Variants in CELF2 observed in about 807,000 individuals in gnomAD.
CELF2 encodes CUG triplet repeat RNA-binding protein 2.
A neutral mutation model predicts 62.6 loss-of-function variants in CELF2; 8 were observed. That is an observed-to-expected ratio of 0.13 (90% confidence interval 0.07 to 0.23). The LOEUF (loss-of-function observed/expected upper bound fraction) is 0.23. Ranked by LOEUF, CELF2 falls within the 10% of genes least tolerant of loss-of-function variation. CELF2 has a pLI of 1.00. For missense variants in CELF2, 333 were observed against 671.0 expected (o/e 0.50, Z 5.56); for synonymous variants, 258 against 250.0 (o/e 1.03, Z -0.30).
At chr10:10,711,045 C>T in the CELF2 span, among the ~76,000 whole-genome samples, 1,570 of 152,118 alleles carry the variant, frequency 0.01, 23 homozygotes, top group African/African-American at 0.036. Flanking sequence ...GAATTGTTTG[C>T]GGGGCTGTCC....
At chr10:10,519,320 C>T in the CELF2 span, among the ~76,000 whole-genome samples, 3 of 152,032 alleles carry the variant, frequency 2.0e-5, no homozygotes, top group African/African-American at 7.2e-5. Context: ...ATCTTCTATG[C>T]AAATGAATAT....
At chr10:10,556,384 A>G in the CELF2 span, among the ~76,000 whole-genome samples, 2 of 152,156 alleles carry the variant, frequency 1.3e-5, no homozygotes, top group Non-Finnish European at 2.9e-5. Flanking sequence ...ATGGCTGCAT[A>G]GTATTCCATG....
At chr10:10,985,111 C>T (rs544763544) in intron 2 of CELF2, among the ~76,000 whole-genome samples, 1 of 152,252 alleles carries the variant, frequency 6.6e-6, no homozygotes, top group East Asian at 1.9e-4. Flanking sequence ...CTATGTATAA[C>T]ATCTACGAAG....
chr10:11,045,312 A>G (rs540718589), intron 1 of CELF2, among the ~76,000 whole-genome samples: 5 of 152,242 alleles, frequency 3.3e-5, no homozygotes, highest in African/African-American at 9.6e-5. Flanking sequence ...TAAGTTGCTC[A>G]TGCTGGTCTA....
chr10:11,048,524 T>G (rs1270375794), intron 1 of CELF2, among the ~76,000 whole-genome samples: 1 of 152,216 alleles, frequency 6.6e-6, no homozygotes, highest in African/African-American at 2.4e-5. Context: ...TGGTTTTCTG[T>G]TTTATCCCAC....
chr10:10,600,391 C>T, the CELF2 span, among the ~76,000 whole-genome samples: 1 of 152,214 alleles, frequency 6.6e-6, no homozygotes, highest in Non-Finnish European at 1.5e-5. Context: ...CATTGCCATT[C>T]TGCTTTTTAT....
At chr10:10,496,755 AC>A in the CELF2 span, among the ~76,000 whole-genome samples, 1 of 152,146 alleles carries the variant, frequency 6.6e-6, no homozygotes. Context: ...GCCCTACAGG[AC>A]CTGGGGTGCT....
the CELF2 span, among the ~76,000 whole-genome samples, chr10:10,673,260 T>C: frequency 7.2e-5 from 11 of 152,164 alleles, no homozygotes; most frequent in Non-Finnish European, 1.2e-4. Flanking sequence ...TTTCGCTATC[T>C]GTATGTATTG....
intron 1 of CELF2, among the ~76,000 whole-genome samples, chr10:11,061,607 A>G (rs1348687263): frequency 1.3e-5 from 2 of 152,242 alleles, no homozygotes; most frequent in South Asian, 2.1e-4. Flanking sequence ...GGAGAAGTCA[A>G]TGTCTGGCTT....
intron 8 of CELF2, 116 bp downstream of exon 8, chr10:11,275,236 T>C (rs781490002): frequency 3.6e-5 from 38 of 1,069,330 alleles, no homozygotes; most frequent in Non-Finnish European, 5.4e-5. Flanking sequence ...ATCAGACTTG[T>C]TAGCTTTCTG....
intron 1 of CELF2, among the ~76,000 whole-genome samples, chr10:10,875,817 C>T (rs2061051009): frequency 6.6e-6 from 1 of 152,220 alleles, no homozygotes; most frequent in Admixed American, 6.5e-5. Context: ...TTCCCTCTGC[C>T]TCTCTCTACC....
chr10:11,060,007 G>A (rs1241753886), intron 1 of CELF2, among the ~76,000 whole-genome samples: 1 of 152,180 alleles, frequency 6.6e-6, no homozygotes, highest in Non-Finnish European at 1.5e-5. Context: ...AAGTGTATCA[G>A]AAACACATCT....
intron 1 of CELF2, among the ~76,000 whole-genome samples, chr10:10,907,113 A>ATG (rs1554877231): frequency 1.3e-5 from 2 of 152,022 alleles, no homozygotes; most frequent in Non-Finnish European, 2.9e-5. Context: ...ACACACGCAA[A>ATG]CGCACACACA....
the CELF2 span, among the ~76,000 whole-genome samples, chr10:10,655,355 G>A: frequency 1.7e-5 from 2 of 115,158 alleles, no homozygotes; most frequent in African/African-American, 3.2e-5. Context: ...TTTCTTCACA[G>A]AATTGGAAAA....
Position 10,934,385 on chromosome 10 carries a change from T to C in CELF2, c.89+14386T>C, listed in dbSNP as rs1300537210. On this transcript the variant is annotated intron_variant, in intron 2 of 13. Transcript: ENST00000636488. The surrounding 1 kb of genome is among the most constrained non-coding windows in gnomAD (Gnocchi z 4.4). Reference sequence around the variant, plus strand: ...CATAGTGCCTCCAGCACACAACAGATGCTCAAATATGCATCAAATGAACTC... The same window carrying C: ...CATAGTGCCTCCAGCACACAACAGACGCTCAAATATGCATCAAATGAACTC... 1 of 152,194 alleles carries C rather than the reference T, an allele frequency of 6.6e-6. No homozygotes were observed. The allele number at this position is 152,194 out of a possible 1,614,324, so 9.4% of individuals were successfully genotyped here. A position where few individuals can be genotyped will look rare whatever the true frequency, so the allele number is the denominator to read the frequency against.
At chr10:10,927,226 G>C (rs1298147200) in intron 2 of CELF2, 1 of 151,358 alleles carries the variant, frequency 6.6e-6, no homozygotes, top group Non-Finnish European at 1.5e-5. Flanking sequence ...AGCTGCTAAT[G>C]TGACTCTCTA....
chr10:10,547,692 A>AGAGAGAGAGAGTGTGT, the CELF2 span, among the ~76,000 whole-genome samples: 46 of 138,110 alleles, frequency 3.3e-4, no homozygotes, highest in African/African-American at 1.3e-3. Flanking sequence ...AGAGAGAGAG[A>AGAGAGAGAGAGTGTGT]GTGTGTGTGT....
At chr10:10,478,450 T>C in the CELF2 span, among the ~76,000 whole-genome samples, 1 of 152,164 alleles carries the variant, frequency 6.6e-6, no homozygotes, top group African/African-American at 2.4e-5. Flanking sequence ...TTCCTCTTGA[T>C]AGCATCTGAT....
chr10:10,725,417 G>A, the CELF2 span, among the ~76,000 whole-genome samples: 4 of 152,124 alleles, frequency 2.6e-5, no homozygotes, highest in Admixed American at 2.0e-4. Flanking sequence ...GGATTGTGAC[G>A]GGTGAAGAAC....
Sources: allele counts gnomAD v4.1 joint callset (sites outside exome capture counted in the v4.1 genomes callset), GRCh38; gene constraint gnomAD v4.1.1; non-coding constraint Gnocchi (gnomAD v3.1); transcripts MANE v1.5; gene names NCBI Gene and HGNC (gene_info 2026-07-23, HGNC 2026-07-21).